The following FHOD3 variants were observed in gnomAD, a reference collection of about 807,000 sequenced individuals.
The protein encoded by FHOD3 is FH1/FH2 domain-containing protein 3.
A neutral mutation model predicts 173.0 loss-of-function variants in FHOD3; 90 were observed. The observed-to-expected ratio is 0.52, with a 90% CI of 0.44 to 0.62. The LOEUF (loss-of-function observed/expected upper bound fraction) is 0.62. Among genes scored for constraint, FHOD3 ranks in the 20% least tolerant of loss-of-function variants. FHOD3 has a pLI of 0.00. For missense variants in FHOD3, 1,945 were observed against 2,034.7 expected (o/e 0.96, Z 0.85); for synonymous variants, 828 against 823.0 (o/e 1.01, Z -0.10).
intron 18 of FHOD3, among the ~76,000 whole-genome samples, chr18:36,716,918 G>GTA (rs1258389575): frequency 7.2e-6 from 1 of 139,764 alleles, no homozygotes; most frequent in Non-Finnish European, 1.5e-5. Flanking sequence ...ATGTGTATGT[G>GTA]TGTGTGTGTG....
intron 3 of FHOD3, among the ~76,000 whole-genome samples, chr18:36,457,615 G>A (rs1374151601): frequency 6.6e-6 from 1 of 151,426 alleles, no homozygotes; most frequent in Non-Finnish European, 1.5e-5. Flanking sequence ...TTCCATAAGA[G>A]TTGACCAATC....
intron 3 of FHOD3, among the ~76,000 whole-genome samples, chr18:36,417,280 T>C (rs897116921): frequency 6.6e-6 from 1 of 152,184 alleles, no homozygotes; most frequent in Non-Finnish European, 1.5e-5. Flanking sequence ...CCATGTGTTC[T>C]CATCATTTAG....
At chr18:36,514,014 C>CT (rs58493993) in intron 5 of FHOD3, among the ~76,000 whole-genome samples, 2,274 of 104,656 alleles carry the variant, frequency 0.022, 229 homozygotes, top group Non-Finnish European at 0.031. Flanking sequence ...TATTTCTATT[C>CT]TTTTTTTTTT....
chr18:36,588,744 T>G (rs1157400168), intron 6 of FHOD3, among the ~76,000 whole-genome samples: 1 of 152,240 alleles, frequency 6.6e-6, no homozygotes, highest in Non-Finnish European at 1.5e-5. Context: ...GTAAAAGTAT[T>G]AAGAGACTGT....
intron 6 of FHOD3, among the ~76,000 whole-genome samples, chr18:36,590,170 T>C (rs1362774829): frequency 6.6e-6 from 1 of 152,194 alleles, no homozygotes; most frequent in Non-Finnish European, 1.5e-5. Context: ...TGAATCTTAA[T>C]ATCCACTCCA....
intron 19 of FHOD3, among the ~76,000 whole-genome samples, chr18:36,728,461 A>C (rs556818194): frequency 8.5e-5 from 13 of 152,276 alleles, no homozygotes; most frequent in African/African-American, 3.1e-4. Flanking sequence ...TTCCCTGAAG[A>C]GTGGGGAGGC....
At chr18:36,693,575 C>A in intron 17 of FHOD3, 152 bp downstream of exon 17, 1 of 714,242 alleles carries the variant, frequency 1.4e-6, no homozygotes, top group Non-Finnish European at 2.3e-6. Flanking sequence ...CTGCAACTGC[C>A]TGGTCACTAA....
At position 36,625,528 on chromosome 18, in the gene FHOD3, G is replaced by A; in HGVS notation, c.975G>A (p.Glu325=). The A allele has an allele frequency of 6.9e-7, 1 of 1,445,378 alleles. No individual in the cohort carries two copies. Among genetic ancestry groups the A allele is most frequent in the Non-Finnish European group, 9.2e-7 (1 of 1,085,436 alleles). 89.5% of individuals were successfully genotyped at this position (1,445,378 alleles called of 1,614,324 possible). Reference sequence around the variant, plus strand: ...TTTTCCAGGTGGCGCTCAGGCACGAGGATGGCGATGAGACCACGGAGCCAC... The same window carrying A: ...TTTTCCAGGTGGCGCTCAGGCACGAAGATGGCGATGAGACCACGGAGCCAC... ...LNIYEVALRH[E]DGDETTEPPP... is the part of the protein sequence containing the mutation. Residue 325 remains glutamate, a synonymous_variant, in exon 10 of 29, where the codon GAG becomes GAA. Transcript: ENST00000590592.
chr18:36,655,184 G>A (rs1412209771), intron 13 of FHOD3, among the ~76,000 whole-genome samples: 1 of 151,486 alleles, frequency 6.6e-6, no homozygotes, highest in Non-Finnish European at 1.5e-5. Flanking sequence ...CTTTCACACA[G>A]TTTTTGCGGA....
At chr18:36,307,003 G>A (rs145078445) in intron 1 of FHOD3, among the ~76,000 whole-genome samples, 6 of 152,164 alleles carry the variant, frequency 3.9e-5, no homozygotes, top group South Asian at 2.1e-4. Context: ...TTGCTCTGTC[G>A]CCCAGGCTGG....
intron 28 of FHOD3, among the ~76,000 whole-genome samples, chr18:36,773,317 C>T (rs1203584854): frequency 2.6e-5 from 4 of 152,186 alleles, no homozygotes; most frequent in Non-Finnish European, 5.9e-5. Flanking sequence ...AGTAAAAAGA[C>T]GAATCCAAGA....
chr18:36,663,599 T>TTCTGTGC (rs1230635508), intron 14 of FHOD3, among the ~76,000 whole-genome samples: 52 of 152,360 alleles, frequency 3.4e-4, no homozygotes, highest in African/African-American at 1.3e-3. Context: ...AGTGGAAGCC[T>TTCTGTGC]TCTGTGCTTC....
intron 3 of FHOD3, among the ~76,000 whole-genome samples, chr18:36,380,964 C>A (rs2047752508): frequency 6.6e-6 from 1 of 152,070 alleles, no homozygotes; most frequent in Non-Finnish European, 1.5e-5. Context: ...TCCTCATGGC[C>A]ACGGGGCTGG....
intron 5 of FHOD3, among the ~76,000 whole-genome samples, chr18:36,568,169 C>CAA (rs111808600): frequency 0.011 from 533 of 49,894 alleles, 3 homozygotes; most frequent in African/African-American, 0.038. Flanking sequence ...ACTAAAAATA[C>CAA]AAAAAAAAAA....
intron 19 of FHOD3, among the ~76,000 whole-genome samples, chr18:36,723,858 A>G (rs1247009238): frequency 6.6e-6 from 1 of 152,220 alleles, no homozygotes; most frequent in Admixed American, 6.5e-5. Flanking sequence ...CATTTCAGGA[A>G]GCCTTAAGCT....
chr18:36,646,298 C>G (rs750761985), intron 10 of FHOD3, among the ~76,000 whole-genome samples: 11 of 151,862 alleles, frequency 7.2e-5, no homozygotes, highest in Admixed American at 1.3e-4. Flanking sequence ...CAGTAGCATC[C>G]AAATTTATAC....
intron 10 of FHOD3, among the ~76,000 whole-genome samples, chr18:36,627,142 CT>C (rs2034170943): frequency 6.6e-6 from 1 of 152,182 alleles, no homozygotes; most frequent in African/African-American, 2.4e-5. Context: ...GATCTAGAAT[CT>C]TAAAGAAACT....
At chr18:36,379,942 G>A (rs557140513) in intron 3 of FHOD3, among the ~76,000 whole-genome samples, 1 of 152,204 alleles carries the variant, frequency 6.6e-6, no homozygotes, top group African/African-American at 2.4e-5. Context: ...TTGAAAAGGA[G>A]GATGGATGGT....
intron 20 of FHOD3, 152 bp downstream of exon 20, chr18:36,730,956 T>G (rs1240024494): frequency 1.2e-6 from 1 of 800,880 alleles, no homozygotes; most frequent in Non-Finnish European, 1.9e-6. Flanking sequence ...TTAAACTTTT[T>G]GAGGGGAGGG....
Sources: gnomAD v4.1 joint callset for allele counts (sites outside exome capture counted in the v4.1 genomes callset) on GRCh38, gnomAD v4.1.1 for gene constraint, MANE v1.5 for transcripts, NCBI Gene and HGNC (gene_info 2026-07-23, HGNC 2026-07-21) for gene names.